The following CHD2 variants were observed in gnomAD, a reference collection of about 807,000 sequenced individuals.
CHD2 encodes the protein chromodomain helicase DNA binding protein 2.
CHD2 carries 28 observed loss-of-function variants against 243.9 expected under a neutral mutation model. The ratio of observed to expected loss-of-function variants is 0.11; its 90% CI spans 0.09 to 0.16. The LOEUF (loss-of-function observed/expected upper bound fraction) is 0.16. CHD2 is among the 10% of genes least tolerant of loss of function. CHD2 has a pLI of 1.00. For missense variants in CHD2, 1,386 were observed against 2,209.8 expected, an observed-to-expected ratio of 0.63 and a Z score of 7.47; for synonymous variants, 775 against 779.0, an observed-to-expected ratio of 0.99 and a Z score of 0.09.
chr15:92,909,921 A>G (rs2052696828), intron 2 of CHD2, among the ~76,000 whole-genome samples: 1 of 151,186 alleles, frequency 6.6e-6, no homozygotes, highest in African/African-American at 2.4e-5. Context: ...TGGGTAAGGG[A>G]CTGTTTTAAG....
intron 3 of CHD2, 135 bp from the exon 4 acceptor site, chr15:92,927,109 T>G: frequency 1.5e-6 from 1 of 646,190 alleles, no homozygotes; most frequent in South Asian, 2.0e-5. Context: ...GGCGCTTTAT[T>G]GTCTCATAAA....
chr15:92,948,626 G>A (rs1454336252), intron 12 of CHD2, among the ~76,000 whole-genome samples: 5 of 152,144 alleles, frequency 3.3e-5, no homozygotes, highest in Non-Finnish European at 2.9e-5. Context: ...GAGGTCAGGA[G>A]ATCGAGACCA....
At chr15:92,930,246 A>G (rs1488862318) in intron 5 of CHD2, among the ~76,000 whole-genome samples, 1 of 152,098 alleles carries the variant, frequency 6.6e-6, no homozygotes, top group African/African-American at 2.4e-5. Context: ...CATGCATGTA[A>G]TCATTACTTC....
chr15:92,924,188 G>A, intron 2 of CHD2, 133 bp from the exon 3 acceptor site: 1 of 662,362 alleles, frequency 1.5e-6, no homozygotes, highest in Non-Finnish European at 2.5e-6. Flanking sequence ...AAGTATAAAT[G>A]TGAATTTGAA....
At chr15:92,909,667 G>A (rs1251835430) in intron 2 of CHD2, among the ~76,000 whole-genome samples, 2 of 152,060 alleles carry the variant, frequency 1.3e-5, no homozygotes, top group Non-Finnish European at 2.9e-5. Context: ...GCCTCCCAAG[G>A]AGCTGGGACC....
chr15:92,921,715 GTAGGGCTTTGGCATTTA>G (rs2052959470), intron 2 of CHD2, among the ~76,000 whole-genome samples: 1 of 152,138 alleles, frequency 6.6e-6, no homozygotes, highest in Non-Finnish European at 1.5e-5. Flanking sequence ...TCCTGTTTGG[GTAGGGCTTTGGCATTTA>G]TAGGGCACTG....
At chr15:92,995,336 G>T (rs2054173524) in intron 28 of CHD2, among the ~76,000 whole-genome samples, 2 of 151,968 alleles carry the variant, frequency 1.3e-5, no homozygotes, top group Admixed American at 1.3e-4. Context: ...ACATTTACAT[G>T]GTTCAAAGTC....
intron 12 of CHD2, among the ~76,000 whole-genome samples, chr15:92,948,093 A>G (rs1169097287): frequency 1.3e-5 from 2 of 152,182 alleles, no homozygotes; most frequent in Non-Finnish European, 2.9e-5. Context: ...TCCACATTTT[A>G]TGCAAACCAT....
intron 2 of CHD2, among the ~76,000 whole-genome samples, chr15:92,915,188 C>A (rs1406880805): frequency 6.6e-6 from 1 of 152,090 alleles, no homozygotes; most frequent in African/African-American, 2.4e-5. Context: ...GAGGGGCCTG[C>A]ACCTTAGAAC....
In CHD2 at chr15:93,026,669, C is replaced by T. The variant is rs555696770; in HGVS notation, c.*1964C>T. The T allele has an allele frequency of 1.4e-3, 212 of 152,394 alleles. 1 individual carries two copies. The highest frequency in any genetic ancestry group is 4.9e-3 in the African/African-American group (205 of 41,586). 9.4% of individuals were successfully genotyped at this position (152,394 alleles called of 1,614,324 possible). A position where few individuals can be genotyped will look rare whatever the true frequency, so the allele number is the denominator to read the frequency against. ...GGAGAGGGCAGGGCCTGTGTCTCCA[C>T]TTAGGCCACACAGTGATGAGGAAAC... On this transcript the variant is annotated 3_prime_UTR_variant, in exon 39 of 39. Transcript: ENST00000394196.
intron 12 of CHD2, among the ~76,000 whole-genome samples, chr15:92,948,691 C>T (rs759630425): frequency 8.4e-4 from 127 of 152,070 alleles, no homozygotes; most frequent in African/African-American, 2.8e-3. Context: ...AATAGCCAGG[C>T]GTGGGTGGTG....
chr15:92,976,676 C>T (rs1893311507), intron 20 of CHD2, among the ~76,000 whole-genome samples: 2 of 151,446 alleles, frequency 1.3e-5, no homozygotes, highest in South Asian at 4.2e-4. Flanking sequence ...AAAAGTTTCC[C>T]CATGTTATTA....
intron 2 of CHD2, among the ~76,000 whole-genome samples, chr15:92,920,225 A>G (rs766049846): frequency 9.2e-5 from 14 of 152,198 alleles, no homozygotes; most frequent in Non-Finnish European, 1.8e-4. Flanking sequence ...ACTCAAAAAC[A>G]CATAGCTGCA....
intron 2 of CHD2, chr15:92,905,030 T>C (rs1240699938): frequency 2.6e-6 from 4 of 1,522,790 alleles, no homozygotes; most frequent in Non-Finnish European, 3.5e-6. Context: ...CTAAGTACTA[T>C]ATATTTAAGA....
intron 13 of CHD2, among the ~76,000 whole-genome samples, chr15:92,952,918 G>A (rs77180070): frequency 0.065 from 9,928 of 152,308 alleles, 448 homozygotes; most frequent in South Asian, 0.12. Flanking sequence ...AGTGTGGGTG[G>A]CATTAAACAA....
intron 26 of CHD2, 127 bp from the exon 27 acceptor site, chr15:92,991,349 C>G (rs2054117176): frequency 1.8e-6 from 1 of 551,424 alleles, no homozygotes; most frequent in Non-Finnish European, 3.2e-6. Context: ...TTTGGTAGTG[C>G]AAGGATTGAG....
intron 19 of CHD2, among the ~76,000 whole-genome samples, chr15:92,974,224 T>C (rs1307763282): frequency 6.6e-6 from 1 of 152,230 alleles, no homozygotes; most frequent in East Asian, 1.9e-4. Context: ...GTATTGCATG[T>C]AGAACTGACA....
chr15:92,935,081 G>T (rs1305492137), intron 5 of CHD2, among the ~76,000 whole-genome samples: 5 of 150,090 alleles, frequency 3.3e-5, no homozygotes, highest in African/African-American at 4.9e-5. Flanking sequence ...TGTCACCTAG[G>T]CTGGAGTGCA....
At chr15:92,952,433 C>T (rs2053565285) in intron 13 of CHD2, among the ~76,000 whole-genome samples, 1 of 151,986 alleles carries the variant, frequency 6.6e-6, no homozygotes, top group African/African-American at 2.4e-5. Context: ...TCAGTGGGAG[C>T]CCTGAGTTTG....
Sources: allele counts gnomAD v4.1 joint callset (sites outside exome capture counted in the v4.1 genomes callset), GRCh38; gene constraint gnomAD v4.1.1; transcripts MANE v1.5; gene names NCBI Gene and HGNC (gene_info 2026-07-23, HGNC 2026-07-21).